FOCAD: variants seen among roughly 807,000 people sequenced by gnomAD.
FOCAD encodes the protein focadhesin, also known as KIAA1797.
A neutral mutation model predicts 225.6 loss-of-function variants in FOCAD; 198 were observed. The observed-to-expected ratio is 0.88, with a 90% CI of 0.78 to 0.99. The LOEUF (loss-of-function observed/expected upper bound fraction) is 0.99, where lower values mean the gene tolerates loss of function less well. Ranked by LOEUF, FOCAD falls within the 50% of genes least tolerant of loss-of-function variation. The probability of loss-of-function intolerance (pLI) is 0.00; values close to 1 mark genes in which losing one functional copy is unlikely to be tolerated. For missense variants in FOCAD, 2,713 were observed against 2,123.6 expected, an observed-to-expected ratio of 1.28 and a Z score of -5.46; for synonymous variants, 897 against 755.0, an observed-to-expected ratio of 1.19 and a Z score of -3.08.
At chr9:20,782,416 C>A (rs1234387632) in intron 10 of FOCAD, among the ~76,000 whole-genome samples, 1 of 152,136 alleles carries the variant, frequency 6.6e-6, no homozygotes, top group Non-Finnish European at 1.5e-5. Flanking sequence ...TCTCGATGTC[C>A]CCTGTGTATG....
chr9:20,690,340 C>G lies in FOCAD; in HGVS notation c.-33+6047C>G, dbSNP rs75121686. Among the ~76,000 whole-genome samples the G allele has an allele frequency of 1.4e-4, 21 of 152,288 alleles. No individual in the cohort carries two copies. The East Asian group carries it at 3.7e-3, about 27-fold the overall frequency. ...ATTATGCAAGTATGCTGGTATTTTT[C>G]CATGTTAAAATAATAGCTTTTGACC... On this transcript the variant is annotated intron_variant, in intron 1 of 43. Coordinates refer to ENST00000338382, the MANE Select transcript of FOCAD (RefSeq NM_001375567.1).
rs78308784 is a variant in FOCAD at position 20,758,223 on chromosome 9, A to T, written c.494+32A>T. The T allele has an allele frequency of 2.4e-3, 3,632 of 1,507,944 alleles. 76 individuals carry two copies. In the African/African-American group the frequency reaches 0.043, roughly 18 times the overall value. The allele number at this position is 1,507,944 out of a possible 1,614,324, so 93.4% of individuals were successfully genotyped here. ...TAAAATAAAAGTGTAAAATAAAGTGAGGGAGACAGAATGGTATATGCTAAT... is the reference window on the plus strand; with the variant it reads ...TAAAATAAAAGTGTAAAATAAAGTGTGGGAGACAGAATGGTATATGCTAAT... On this transcript the variant is annotated intron_variant, in intron 6 of 43. Transcript: ENST00000338382.
chr9:20,864,513 A>G (rs2131711562), intron 16 of FOCAD, among the ~76,000 whole-genome samples: 1 of 152,178 alleles, frequency 6.6e-6, no homozygotes, highest in East Asian at 1.9e-4. Flanking sequence ...TTAGGAAGAA[A>G]AGGATTGTTT....
At chr9:20,963,487 C>T (rs1023067207) in intron 35 of FOCAD, among the ~76,000 whole-genome samples, 13 of 152,270 alleles carry the variant, frequency 8.5e-5, no homozygotes, top group Middle Eastern at 3.4e-3. Context: ...AGTGGATTCT[C>T]TCAAAGTGCC....
At chr9:20,815,137 G>GTTTTTTTTTGTTTTTTTTTTTTTTTTTT (rs1823565046) in intron 11 of FOCAD, among the ~76,000 whole-genome samples, 4 of 69,144 alleles carry the variant, frequency 5.8e-5, no homozygotes, top group Admixed American at 2.1e-4. Context: ...TTTTTTTTTT[G>GTTTTTTTTTGTTTTTTTTTTTTTTTTTT]TTTTTTTTTT....
intron 35 of FOCAD, among the ~76,000 whole-genome samples, chr9:20,960,966 G>T (rs1471292478): frequency 6.6e-6 from 1 of 151,976 alleles, no homozygotes; most frequent in Admixed American, 6.6e-5. Flanking sequence ...GTATTTATGT[G>T]CCACATTTTC....
chr9:20,684,006 G>C (rs978958962), upstream of FOCAD: 1 of 152,324 alleles, frequency 6.6e-6, no homozygotes, highest in South Asian at 2.1e-4. Context: ...CCTCACTGCG[G>C]TGCTGCTCCA....
chr9:20,759,244 G>T (rs1188095425), intron 6 of FOCAD, among the ~76,000 whole-genome samples: 1 of 152,128 alleles, frequency 6.6e-6, no homozygotes, highest in Non-Finnish European at 1.5e-5. Context: ...AAAAGAGCCC[G>T]CATTGCCAAG....
At chr9:20,976,265 G>A in intron 35 of FOCAD, 155 bp from the exon 36 acceptor site, 1 of 622,046 alleles carries the variant, frequency 1.6e-6, no homozygotes. Context: ...GGCAAATGGA[G>A]TTGAAATTAA....
chr9:20,807,223 C>G (rs1368764222), intron 11 of FOCAD, among the ~76,000 whole-genome samples: 2 of 152,162 alleles, frequency 1.3e-5, no homozygotes, highest in African/African-American at 4.8e-5. Context: ...ATTCCAGGAG[C>G]GGTGCTAGAC....
At chr9:20,748,852 C>G (rs1252947981) in intron 5 of FOCAD, among the ~76,000 whole-genome samples, 3 of 152,050 alleles carry the variant, frequency 2.0e-5, no homozygotes, top group Non-Finnish European at 4.4e-5. Flanking sequence ...TAAGCTGCAC[C>G]CATCATACAG....
upstream of FOCAD, among the ~76,000 whole-genome samples, chr9:20,681,475 T>C (rs1266014910): frequency 6.6e-6 from 1 of 152,214 alleles, no homozygotes; most frequent in Non-Finnish European, 1.5e-5. Flanking sequence ...TTAAATTGAA[T>C]AAATTTATTT....
At chr9:20,964,681 G>A (rs1350942620) in intron 35 of FOCAD, among the ~76,000 whole-genome samples, 2 of 152,114 alleles carry the variant, frequency 1.3e-5, no homozygotes, top group African/African-American at 2.4e-5. Flanking sequence ...GACAACAGGC[G>A]CATGCCACCA....
At chr9:20,693,539 A>G (rs893501856) in intron 1 of FOCAD, among the ~76,000 whole-genome samples, 4 of 152,174 alleles carry the variant, frequency 2.6e-5, no homozygotes, top group African/African-American at 9.7e-5. Context: ...TGCTTAGTAT[A>G]GTGTCTGATA....
intron 8 of FOCAD, among the ~76,000 whole-genome samples, chr9:20,773,702 G>A (rs1193522711): frequency 1.3e-5 from 2 of 151,708 alleles, no homozygotes; most frequent in Non-Finnish European, 2.9e-5. Flanking sequence ...TTTGGGGTAT[G>A]TGTGTGTGTG....
intron 15 of FOCAD, among the ~76,000 whole-genome samples, chr9:20,848,688 A>T (rs1459295510): frequency 1.3e-5 from 2 of 152,004 alleles, no homozygotes; most frequent in Non-Finnish European, 2.9e-5. Flanking sequence ...CGGTGTATGT[A>T]TAATGAGAAA....
At chr9:20,785,987 T>C (rs1819884990) in intron 10 of FOCAD, among the ~76,000 whole-genome samples, 1 of 152,318 alleles carries the variant, frequency 6.6e-6, no homozygotes, top group East Asian at 1.9e-4. Context: ...GGTTTTGTTT[T>C]GCATTTCCCT....
chr9:20,881,500 G>T (rs1374959859), intron 19 of FOCAD, among the ~76,000 whole-genome samples: 1 of 152,166 alleles, frequency 6.6e-6, no homozygotes, highest in Non-Finnish European at 1.5e-5. Context: ...AAGAGGAAAA[G>T]AATTCAGTAA....
chr9:20,723,890 T>G (rs1353478720), intron 4 of FOCAD, among the ~76,000 whole-genome samples: 1 of 152,168 alleles, frequency 6.6e-6, no homozygotes, highest in African/African-American at 2.4e-5. Context: ...TGCCAGTATC[T>G]GCTTCTGGCA....
Sources: allele counts gnomAD v4.1 joint callset (sites outside exome capture counted in the v4.1 genomes callset), GRCh38; gene constraint gnomAD v4.1.1; transcripts MANE v1.5; gene names NCBI Gene and HGNC (gene_info 2026-07-23, HGNC 2026-07-21).